Variants in ADCY5 observed in about 807,000 individuals in gnomAD.
ADCY5 encodes adenylate cyclase 5, also known as adenylate cyclase type 5.
Under a neutral mutation model 119.7 loss-of-function variants are expected in ADCY5, and 30 were observed. The ratio of observed to expected loss-of-function variants is 0.25; its 90% CI spans 0.19 to 0.34. The LOEUF is 0.34. Ranked by LOEUF, ADCY5 falls within the 10% of genes least tolerant of loss-of-function variation. The pLI, the probability that ADCY5 is intolerant of heterozygous loss-of-function variation, is 1.00. For synonymous variants in ADCY5, 753 were observed against 762.2 expected (o/e 0.99, Z 0.20); for missense variants, 1,324 against 1,775.2 (o/e 0.75, Z 4.57).
At chr3:123,367,511 A>C (rs1943486671) in intron 1 of ADCY5, among the ~76,000 whole-genome samples, 1 of 152,144 alleles carries the variant, frequency 6.6e-6, no homozygotes, top group Admixed American at 6.5e-5. Flanking sequence ...TTGGAGAATA[A>C]TTATCCCCAC....
At chr3:123,287,752 G>A (rs1157451077) in intron 19 of ADCY5, among the ~76,000 whole-genome samples, 1 of 152,184 alleles carries the variant, frequency 6.6e-6, no homozygotes, top group Non-Finnish European at 1.5e-5. Context: ...TTGCTGACCA[G>A]ACTGAGCCCT....
In ADCY5 at chr3:123,447,797, A is replaced by C; in HGVS notation, c.749T>G (p.Val250Gly). 6.2e-7 allele frequency: 1 copy of C among 1,611,960 alleles called. No homozygotes were observed. ...SSLTMLMAVL[V>G]LVCLVMLAFH... is the part of the protein sequence containing the mutation. ...GGCCAACATGACCAGGCACACGAGC[A>C]CCAGCACGGCCATGAGCATGGTGAG... is the stretch of plus-strand genomic sequence containing the variant. The change falls in exon 1 of 21, where the codon GTG becomes GGG. Residue 250 changes from valine (V) to glycine (G), a missense_variant. By Grantham distance (109) the Val-to-Gly change is moderately radical. Transcript: ENST00000462833.
chr3:123,290,000 C>A, intron 18 of ADCY5, 46 bp from the exon 19 acceptor site: 1 of 1,593,742 alleles, frequency 6.3e-7, no homozygotes, highest in East Asian at 2.3e-5. Flanking sequence ...CCTGGGACAC[C>A]GAGGGCCACA....
chr3:123,342,836 C>T (rs1348983191), intron 3 of ADCY5, among the ~76,000 whole-genome samples: 1 of 152,232 alleles, frequency 6.6e-6, no homozygotes, highest in Non-Finnish European at 1.5e-5. Flanking sequence ...GGGGCGTTCT[C>T]TGGCCCCTGA....
At chr3:123,343,433 C>T (rs1942379012) in intron 3 of ADCY5, among the ~76,000 whole-genome samples, 1 of 152,178 alleles carries the variant, frequency 6.6e-6, no homozygotes, top group African/African-American at 2.4e-5. Flanking sequence ...CCCAAGTTCC[C>T]ACAGCCACCA....
Position 123,352,456 on chromosome 3 carries a change from G to C in ADCY5, c.1260C>G (p.His420Gln). The C allele has an allele frequency of 6.2e-7, 1 of 1,613,388 alleles. No homozygotes were observed. The highest frequency in any genetic ancestry group is 8.5e-7 in the Non-Finnish European group (1 of 1,179,882). Reference sequence around the variant, plus strand: ...CCTGCTGCTGGTTCTCCCGCTGCGAGTGGAGCCGCGCCTGGATGCACTCTC... The same window carrying C: ...CCTGCTGCTGGTTCTCCCGCTGCGACTGGAGCCGCGCCTGGATGCACTCTC... ...ETRECIQARL[H>Q]SQRENQQQER... Residue 420 changes from histidine to glutamine, a missense_variant, in exon 2 of 21, where the codon CAC (histidine) becomes CAG (glutamine). Physicochemically the swap from His to Gln is conservative, Grantham distance 24. Around this residue, in one of 6 missense-constraint regions of ADCY5, gnomAD observed 123 missense variants for 287.9 expected, o/e 0.43. Transcript: ENST00000462833. This position sits in a 1 kb window ranked among gnomAD's most constrained non-coding sequence, Gnocchi z 4.8.
chr3:123,338,967 T>C (rs919571832), intron 3 of ADCY5, among the ~76,000 whole-genome samples: 1 of 152,134 alleles, frequency 6.6e-6, no homozygotes, highest in Admixed American at 6.5e-5. Flanking sequence ...GGGGGGCCTG[T>C]AGTGCTAATC....
intron 1 of ADCY5, among the ~76,000 whole-genome samples, chr3:123,357,511 G>A (rs1943082782): frequency 6.6e-6 from 1 of 152,152 alleles, no homozygotes; most frequent in African/African-American, 2.4e-5. Flanking sequence ...AAAAAGATGC[G>A]TGGTAACCCA....
chr3:123,440,566 C>T (rs1382784015), intron 1 of ADCY5, among the ~76,000 whole-genome samples: 4 of 151,996 alleles, frequency 2.6e-5, no homozygotes, highest in Non-Finnish European at 4.4e-5. Flanking sequence ...ATCTCCTCTT[C>T]CTTTCTTTAA....
At chr3:123,326,108 C>T (rs1443374584) in intron 7 of ADCY5, among the ~76,000 whole-genome samples, 1 of 152,230 alleles carries the variant, frequency 6.6e-6, no homozygotes, top group Middle Eastern at 3.2e-3. Flanking sequence ...GGGATCACAA[C>T]CTCTGCTCAA....
chr3:123,347,715 G>GGAAC (rs10640874), intron 3 of ADCY5, 67 bp downstream of exon 3: 10 of 1,598,856 alleles, frequency 6.3e-6, no homozygotes, highest in Non-Finnish European at 8.6e-6. Context: ...TTGAAAGGAA[G>GGAAC]TGGGATGTCT....
chr3:123,360,413 T>C (rs1243794359), intron 1 of ADCY5, among the ~76,000 whole-genome samples: 3 of 152,302 alleles, frequency 2.0e-5, no homozygotes, highest in South Asian at 2.1e-4. Context: ...GGATGCCTCC[T>C]GAGGGGCCTC....
At chr3:123,285,366 G>A (rs1024787185) in intron 20 of ADCY5, among the ~76,000 whole-genome samples, 4 of 152,164 alleles carry the variant, frequency 2.6e-5, no homozygotes, top group East Asian at 1.9e-4. Context: ...TTTAGCTTTC[G>A]GAACAAAGAA....
intron 2 of ADCY5, among the ~76,000 whole-genome samples, chr3:123,348,149 C>T (rs771831057): frequency 1.3e-5 from 2 of 151,844 alleles, no homozygotes; most frequent in Non-Finnish European, 2.9e-5. Context: ...CCGCCTCCCT[C>T]GCCACATTTC....
chr3:123,312,181 G>T (rs1165567683), intron 12 of ADCY5, among the ~76,000 whole-genome samples: 2 of 152,116 alleles, frequency 1.3e-5, no homozygotes, highest in East Asian at 3.9e-4. Flanking sequence ...GAAAAGAAAG[G>T]AAATTTAGGT....
chr3:123,325,409 G>A lies in ADCY5; in HGVS notation c.2001C>T (p.Ile667=), dbSNP rs373154919. Residue 667 remains isoleucine (I), a synonymous_variant, in exon 8 of 21, where the codon ATC becomes ATT. Coordinates refer to ENST00000462833, the MANE Select transcript of ADCY5 (RefSeq NM_183357.3). The stretch of plus-strand genomic sequence containing the variant: ...CCCCCCAGTGTGGTGGGTTGTGCCC[G>A]ATGGAGTTGGTTCTCTGGCGGTTCA... ...AKMNRQRTNS[I]GHNPPHWGAE... is the part of the protein sequence containing the mutation. The A allele has an allele frequency of 1.3e-5, 21 of 1,614,172 alleles. No individual in the cohort carries two copies. The highest frequency in any genetic ancestry group is 1.6e-4 in the Middle Eastern group (1 of 6,062).
chr3:123,382,638 A>ATAC (rs1944068143), intron 1 of ADCY5, among the ~76,000 whole-genome samples: 1 of 152,248 alleles, frequency 6.6e-6, no homozygotes, highest in African/African-American at 2.4e-5. Context: ...TAAGCCTCAA[A>ATAC]AACATTATGC....
intron 1 of ADCY5, among the ~76,000 whole-genome samples, chr3:123,401,319 A>G (rs1227756615): frequency 6.6e-6 from 1 of 152,188 alleles, no homozygotes; most frequent in Non-Finnish European, 1.5e-5. Context: ...GGGCTCAGGG[A>G]AATGACAAGC....
intron 12 of ADCY5, among the ~76,000 whole-genome samples, chr3:123,311,625 G>C (rs930390117): frequency 2.0e-5 from 3 of 152,198 alleles, no homozygotes; most frequent in African/African-American, 7.2e-5. Flanking sequence ...GAGAGGAGGC[G>C]GCGGCAGGGA....
Sources: gnomAD v4.1 joint callset for allele counts (sites outside exome capture counted in the v4.1 genomes callset) on GRCh38, gnomAD v4.1.1 for gene constraint, gnomAD v4.1.1 regional missense constraint, Gnocchi (gnomAD v3.1) non-coding constraint, MANE v1.5 for transcripts, NCBI Gene and HGNC (gene_info 2026-07-23, HGNC 2026-07-21) for gene names.